The following LINGO2 variants were observed in gnomAD, a reference collection of about 807,000 sequenced individuals.
LINGO2 encodes leucine-rich repeat and immunoglobulin-like domain-containing nogo receptor-interacting protein 2.
A neutral mutation model predicts 30.6 loss-of-function variants in LINGO2; 14 were observed. That is an observed-to-expected ratio of 0.46 (90% CI 0.30 to 0.72). The LOEUF (loss-of-function observed/expected upper bound fraction) is 0.72, where lower values mean the gene tolerates loss of function less well. Ranked by LOEUF, LINGO2 falls within the 30% of genes least tolerant of loss-of-function variation. The pLI, the probability that LINGO2 is intolerant of heterozygous loss-of-function variation, is 0.07. For missense variants in LINGO2, 729 were observed against 751.7 expected (o/e 0.97, Z 0.35); for synonymous variants, 317 against 288.5 (o/e 1.10, Z -1.00).
the LINGO2 span, among the ~76,000 whole-genome samples, chr9:29,070,669 A>T: frequency 2.0e-5 from 3 of 151,690 alleles, no homozygotes; most frequent in Non-Finnish European, 2.9e-5. Context: ...AGATGACAGG[A>T]TCTTGTTGTT....
chr9:28,525,794 G>C (rs1046624961), intron 1 of LINGO2, among the ~76,000 whole-genome samples: 19 of 152,024 alleles, frequency 1.2e-4, no homozygotes, highest in Admixed American at 3.3e-4. Flanking sequence ...AGTGGCTCAC[G>C]CCTGTAATCT....
chr9:28,905,376 A>C, the LINGO2 span, among the ~76,000 whole-genome samples: 2 of 151,954 alleles, frequency 1.3e-5, no homozygotes, highest in South Asian at 2.1e-4. Flanking sequence ...GAGTGGGATA[A>C]AACATTTGCA....
chr9:28,657,317 T>C (rs1828391048), intron 1 of LINGO2, among the ~76,000 whole-genome samples: 1 of 152,132 alleles, frequency 6.6e-6, no homozygotes, highest in Admixed American at 6.6e-5. Flanking sequence ...ATTTGAAAAG[T>C]ATTACTGTTA....
chr9:29,097,331 G>T, the LINGO2 span, among the ~76,000 whole-genome samples: 2 of 138,216 alleles, frequency 1.4e-5, 1 homozygote, highest in Middle Eastern at 8.7e-3. Context: ...TTGATGATAT[G>T]AAGTATATTA....
At chr9:28,512,419 A>G (rs1274606988) in intron 1 of LINGO2, among the ~76,000 whole-genome samples, 1 of 151,556 alleles carries the variant, frequency 6.6e-6, no homozygotes, top group Middle Eastern at 3.2e-3. Context: ...CCTATCTGCC[A>G]CTGACACCTC....
chr9:29,150,373 C>G, the LINGO2 span, among the ~76,000 whole-genome samples: 15 of 152,116 alleles, frequency 9.9e-5, no homozygotes, highest in Non-Finnish European at 2.1e-4. Context: ...CAGAGTGTCT[C>G]CTTACTTCCA....
chr9:28,804,110 T>A, the LINGO2 span, among the ~76,000 whole-genome samples: 10 of 152,072 alleles, frequency 6.6e-5, no homozygotes, highest in Non-Finnish European at 1.5e-4. Flanking sequence ...TTGTTGCTCT[T>A]ATTCTCTTTT....
intron 1 of LINGO2, among the ~76,000 whole-genome samples, chr9:28,517,812 T>C (rs1820680129): frequency 6.6e-6 from 1 of 152,144 alleles, no homozygotes; most frequent in African/African-American, 2.4e-5. Context: ...CAGAAGCCTA[T>C]TTTCCCCAAT....
At chr9:28,179,901 GAAAC>G (rs1194358880) in intron 4 of LINGO2, among the ~76,000 whole-genome samples, 2 of 151,896 alleles carry the variant, frequency 1.3e-5, no homozygotes, top group East Asian at 3.9e-4. Flanking sequence ...TTAAATTAGA[GAAAC>G]AAAATAGTCA....
intron 5 of LINGO2, among the ~76,000 whole-genome samples, chr9:27,962,902 C>A (rs540319360): frequency 6.6e-6 from 1 of 152,260 alleles, no homozygotes; most frequent in South Asian, 2.1e-4. Context: ...TTAGTACGTA[C>A]CTTTTAAAAC....
chr9:29,033,959 G>T, the LINGO2 span, among the ~76,000 whole-genome samples: 1 of 151,922 alleles, frequency 6.6e-6, no homozygotes, highest in Non-Finnish European at 1.5e-5. Context: ...GTGCGCACCT[G>T]TAATCTCAGC....
the LINGO2 span, among the ~76,000 whole-genome samples, chr9:28,689,027 T>C: frequency 1.3e-5 from 2 of 152,198 alleles, no homozygotes; most frequent in Non-Finnish European, 2.9e-5. Context: ...TATATCTAAC[T>C]GATAGAATAT....
chr9:28,177,285 C>T (rs142580760), intron 4 of LINGO2, among the ~76,000 whole-genome samples: 1 of 152,240 alleles, frequency 6.6e-6, no homozygotes, highest in African/African-American at 2.4e-5. Flanking sequence ...ACTAGCTTGT[C>T]CAACAGGGCT....
intron 1 of LINGO2, among the ~76,000 whole-genome samples, chr9:28,619,712 C>T (rs982617746): frequency 6.6e-6 from 1 of 152,030 alleles, no homozygotes; most frequent in African/African-American, 2.4e-5. Flanking sequence ...ATGCTGCCTA[C>T]TAGGTTTTCT....
At chr9:28,569,204 A>C (rs1480671036) in intron 1 of LINGO2, among the ~76,000 whole-genome samples, 5 of 151,996 alleles carry the variant, frequency 3.3e-5, no homozygotes, top group African/African-American at 1.2e-4. Context: ...GTAAATTAGT[A>C]CTGCCATTAT....
chr9:28,305,045 T>A (rs897862299), intron 3 of LINGO2, among the ~76,000 whole-genome samples: 2 of 151,996 alleles, frequency 1.3e-5, no homozygotes, highest in African/African-American at 4.8e-5. Context: ...TAAAGATACA[T>A]TAAATTAAAA....
chr9:29,188,936 C>G, the LINGO2 span, among the ~76,000 whole-genome samples: 1 of 143,704 alleles, frequency 7.0e-6, no homozygotes, highest in African/African-American at 2.6e-5. Flanking sequence ...ACCTCCCGGA[C>G]GGGGTGGCTG....
the LINGO2 span, among the ~76,000 whole-genome samples, chr9:28,694,440 A>C: frequency 6.6e-6 from 1 of 152,006 alleles, no homozygotes; most frequent in Non-Finnish European, 1.5e-5. Context: ...TTCAGAAACT[A>C]TACTCACTGC....
the LINGO2 span, among the ~76,000 whole-genome samples, chr9:29,173,020 G>T: frequency 1.3e-5 from 2 of 151,964 alleles, no homozygotes; most frequent in Admixed American, 6.6e-5. Context: ...TCTCAAACCT[G>T]AATTGAGAAA....
Sources: gnomAD v4.1 joint callset for allele counts (sites outside exome capture counted in the v4.1 genomes callset) on GRCh38, gnomAD v4.1.1 for gene constraint, MANE v1.5 for transcripts, NCBI Gene and HGNC (gene_info 2026-07-23, HGNC 2026-07-21) for gene names.